Variants in KDM7A observed in about 807,000 individuals in gnomAD.
KDM7A encodes the protein lysine-specific demethylase 7A.
Under a neutral mutation model 114.8 loss-of-function variants are expected in KDM7A, and 28 were observed. The ratio of observed to expected loss-of-function variants is 0.24; its 90% CI spans 0.18 to 0.33. The LOEUF (loss-of-function observed/expected upper bound fraction) is 0.33, where lower values mean the gene tolerates loss of function less well. Ranked by LOEUF, KDM7A falls within the 10% of genes least tolerant of loss-of-function variation. KDM7A has a pLI of 1.00. For synonymous variants in KDM7A, 423 were observed against 397.8 expected (o/e 1.06, Z -0.75); for missense variants, 942 against 1,142.5 (o/e 0.82, Z 2.53).
At chr7:140,131,908 T>C (rs573366962) in intron 3 of KDM7A, among the ~76,000 whole-genome samples, 5 of 152,218 alleles carry the variant, frequency 3.3e-5, no homozygotes, top group African/African-American at 1.2e-4. Flanking sequence ...TCACAACATT[T>C]AGGGAGTGAG....
In KDM7A at chr7:140,099,902, A is replaced by G; in HGVS notation, c.1760T>C (p.Ile587Thr). The G allele has an allele frequency of 6.2e-7, 1 of 1,609,380 alleles. No individual in the cohort carries two copies. The highest frequency in any genetic ancestry group is 8.5e-7 in the Non-Finnish European group (1 of 1,175,680). The change falls in exon 13 of 20, where the codon ATT (isoleucine) becomes ACT (threonine). Residue 587 changes from isoleucine (I) to threonine (T), a missense_variant. Coordinates refer to ENST00000397560, the MANE Select transcript of KDM7A (RefSeq NM_030647.2). ...TACTCTGATTTACTTTACATACTTA[A>G]TTATTCTTCCATTTGTCAGCAGTAA... ...LRLLLTNGRIIKDERQPFADQ... is the reference protein window; with the variant it reads ...LRLLLTNGRITKDERQPFADQ...
Position 140,094,230 on chromosome 7 carries a change from C to T in KDM7A, c.2375-92G>A, listed in dbSNP as rs374400757. 9 of 823,044 alleles carry T rather than the reference C, an allele frequency of 1.1e-5. No homozygotes were observed. The East Asian group carries it at 1.2e-4, about 11-fold the overall frequency. 51.0% of individuals were successfully genotyped at this position (823,044 alleles called of 1,614,324 possible). A position where few individuals can be genotyped will look rare whatever the true frequency, so the allele number is the denominator to read the frequency against. Reference sequence around the variant, plus strand: ...TGCTTAAAAATGAAAGCAGGTTGGGCGTGATGGCTCACGCCTGTAATCCCA... The same window carrying T: ...TGCTTAAAAATGAAAGCAGGTTGGGTGTGATGGCTCACGCCTGTAATCCCA... On this transcript the variant is annotated intron_variant, in intron 17 of 19. Coordinates refer to ENST00000397560, the MANE Select transcript of KDM7A (RefSeq NM_030647.2).
intron 12 of KDM7A, 69 bp from the exon 13 acceptor site, chr7:140,100,092 A>G: frequency 2.0e-6 from 3 of 1,520,158 alleles, no homozygotes; most frequent in Non-Finnish European, 2.7e-6. Flanking sequence ...GATGGAATAC[A>G]GTATACCACC....
At chr7:140,149,983 A>G (rs117591750) in intron 1 of KDM7A, among the ~76,000 whole-genome samples, 3,536 of 152,304 alleles carry the variant, frequency 0.023, 68 homozygotes, top group Middle Eastern at 0.048. Flanking sequence ...TATAGGTATT[A>G]GAGTGAAAGT....
Position 140,176,694 on chromosome 7 carries a change from TGGTC to T in KDM7A, c.194+46_194+49del. 5.3e-6 allele frequency: 6 copies of T among 1,127,764 alleles called. No homozygotes were observed. The highest frequency in any genetic ancestry group is 6.6e-6 in the Non-Finnish European group (6 of 904,696). 69.9% of individuals were successfully genotyped at this position (1,127,764 alleles called of 1,614,324 possible). A position where few individuals can be genotyped will look rare whatever the true frequency, so the allele number is the denominator to read the frequency against. The stretch of plus-strand genomic sequence containing the variant: ...GCGGGCGGCCGGCGGCGGCGGCGGT[TGGTC>T]GGTGGCCGGCGGTGGCGGCTGCGGG... On this transcript the variant is annotated intron_variant, in intron 1 of 19. Coordinates refer to ENST00000397560, the MANE Select transcript of KDM7A (RefSeq NM_030647.2). This position sits in a 1 kb window ranked among gnomAD's most constrained non-coding sequence, Gnocchi z 4.4.
chr7:140,114,859 C>T (rs1585146596), intron 9 of KDM7A, among the ~76,000 whole-genome samples: 1 of 107,984 alleles, frequency 9.3e-6, no homozygotes, highest in Non-Finnish European at 2.0e-5. Flanking sequence ...GCCCGGCAGC[C>T]GCCCCGTCTG....
intron 1 of KDM7A, among the ~76,000 whole-genome samples, chr7:140,148,370 T>C (rs1794362531): frequency 6.6e-6 from 1 of 151,534 alleles, no homozygotes; most frequent in Non-Finnish European, 1.5e-5. Flanking sequence ...GGTAACTTAC[T>C]TTACCTGTTT....
intron 3 of KDM7A, among the ~76,000 whole-genome samples, chr7:140,132,096 C>G (rs548841784): frequency 1.3e-5 from 2 of 152,234 alleles, no homozygotes; most frequent in South Asian, 4.1e-4. Context: ...AAAACTTACA[C>G]TAAGTCTTAA....
At position 140,139,123 on chromosome 7, in the gene KDM7A, A is replaced by G. The variant is rs151310600; in HGVS notation, c.262T>C (p.Leu88=). ...DLYHCPNCAV[L]HGSSLMKKRR... Reference sequence around the variant, plus strand: ...TACTTACTCAAGGAGGAACCATGTAAAACTGCACAGTTGGGACAGTGATAC... The same window carrying G: ...TACTTACTCAAGGAGGAACCATGTAGAACTGCACAGTTGGGACAGTGATAC... Residue 88 remains leucine (L), a synonymous_variant, in exon 2 of 20, where the codon TTA becomes CTA. Coordinates refer to ENST00000397560, the MANE Select transcript of KDM7A (RefSeq NM_030647.2). 186 of 1,612,016 alleles carry G rather than the reference A, an allele frequency of 1.2e-4. No individual in the cohort carries two copies. In the African/African-American group the frequency reaches 2.1e-3, roughly 18 times the overall value.
chr7:140,143,782 C>T (rs1794311209), intron 1 of KDM7A, among the ~76,000 whole-genome samples: 1 of 152,186 alleles, frequency 6.6e-6, no homozygotes, highest in Non-Finnish European at 1.5e-5. Flanking sequence ...CATGACATTG[C>T]TGCTTGAATA....
At position 140,120,510 on chromosome 7, in the gene KDM7A, G is replaced by T. The variant is rs1166093324; in HGVS notation, c.1071C>A (p.Leu357=). ...CAAAAGCCATACAGTCCTGAGAAGTGAGCACAGCATGGATCCACCCTAAAA... is the reference window on the plus strand; with the variant it reads ...CAAAAGCCATACAGTCCTGAGAAGTTAGCACAGCATGGATCCACCCTAAAA... ...FVPTGWIHAV[L]TSQDCMAFGG... Residue 357 remains leucine (L), a synonymous_variant, in exon 8 of 20, where the codon CTC becomes CTA. Transcript: ENST00000397560. 5 of 1,610,634 alleles carry T rather than the reference G, an allele frequency of 3.1e-6. No individual in the cohort carries two copies. Among genetic ancestry groups the T allele is most frequent in the Non-Finnish European group, 4.2e-6 (5 of 1,176,920 alleles).
intron 9 of KDM7A, among the ~76,000 whole-genome samples, chr7:140,114,523 T>G (rs1818485107): frequency 6.6e-6 from 1 of 152,060 alleles, no homozygotes; most frequent in Non-Finnish European, 1.5e-5. Context: ...CGCTACAACC[T>G]CCACCTCCCA....
chr7:140,105,266 G>A (rs941002534), intron 11 of KDM7A, among the ~76,000 whole-genome samples: 1 of 152,016 alleles, frequency 6.6e-6, no homozygotes, highest in Non-Finnish European at 1.5e-5. Flanking sequence ...TCTTCCTAAC[G>A]GAATACCCTT....
At chr7:140,104,929 A>C (rs1818302449) in intron 11 of KDM7A, among the ~76,000 whole-genome samples, 1 of 152,132 alleles carries the variant, frequency 6.6e-6, no homozygotes. Flanking sequence ...TGAGCATGGA[A>C]TGTTCTTCCA....
chr7:140,128,580 T>C (rs1375038921), intron 4 of KDM7A, among the ~76,000 whole-genome samples: 1 of 152,210 alleles, frequency 6.6e-6, no homozygotes, highest in Non-Finnish European at 1.5e-5. Context: ...TTCAGGTTAA[T>C]CCTTAGCCCC....
intron 1 of KDM7A, among the ~76,000 whole-genome samples, chr7:140,162,189 G>A (rs754451903): frequency 6.6e-6 from 1 of 151,982 alleles, no homozygotes; most frequent in Non-Finnish European, 1.5e-5. Context: ...TACAAATTTC[G>A]CCGGGCATAG....
chr7:140,144,281 G>T (rs893378853), intron 1 of KDM7A, among the ~76,000 whole-genome samples: 2 of 152,176 alleles, frequency 1.3e-5, no homozygotes, highest in Non-Finnish European at 2.9e-5. Context: ...TCTACAAATA[G>T]TATGAGACAA....
At chr7:140,093,090 C>T (rs560838108) in intron 18 of KDM7A, among the ~76,000 whole-genome samples, 88 of 152,072 alleles carry the variant, frequency 5.8e-4, no homozygotes, top group Admixed American at 7.9e-4. Context: ...ATAAAAACCA[C>T]CCATAATTCT....
At position 140,176,633 on chromosome 7, in the gene KDM7A, G is replaced by A. The variant is rs1794712965; in HGVS notation, c.194+111C>T. ...GGCTAGGCACCGGGGCCCCCTGAAA[G>A]CTGGGCGCGGCGCGGCGGCCCGGCC... On this transcript the variant is annotated intron_variant, in intron 1 of 19. Transcript: ENST00000397560. The surrounding 1 kb of genome is among the most constrained non-coding windows in gnomAD (Gnocchi z 4.4). 3.6e-6 allele frequency: 3 copies of A among 823,618 alleles called. No individual in the cohort carries two copies. The highest frequency in any genetic ancestry group is 4.4e-6 in the Non-Finnish European group (3 of 680,938). 51.0% of individuals were successfully genotyped at this position (823,618 alleles called of 1,614,324 possible). A position where few individuals can be genotyped will look rare whatever the true frequency, so the allele number is the denominator to read the frequency against.
Sources: gnomAD v4.1 joint callset for allele counts (sites outside exome capture counted in the v4.1 genomes callset) on GRCh38, gnomAD v4.1.1 for gene constraint, Gnocchi (gnomAD v3.1) non-coding constraint, MANE v1.5 for transcripts, NCBI Gene and HGNC (gene_info 2026-07-23, HGNC 2026-07-21) for gene names.